ARSG: variants seen among roughly 807,000 people sequenced by gnomAD.
ARSG encodes arylsulfatase G.
In ARSG, 37 loss-of-function variants were observed where a neutral mutation model predicts 50.5. That is an observed-to-expected ratio of 0.73 (90% CI 0.56 to 0.96). The LOEUF (loss-of-function observed/expected upper bound fraction) is 0.96. ARSG is among the 50% of genes least tolerant of loss of function. ARSG has a pLI of 0.00. For synonymous variants in ARSG, 225 were observed against 254.6 expected, an observed-to-expected ratio of 0.88 and a Z score of 1.11; for missense variants, 629 against 675.3, an observed-to-expected ratio of 0.93 and a Z score of 0.76.
chr17:68,395,865 G>A (rs1305849029), intron 10 of ARSG, among the ~76,000 whole-genome samples: 1 of 152,102 alleles, frequency 6.6e-6, no homozygotes, highest in Non-Finnish European at 1.5e-5. Flanking sequence ...CAGCATTTCA[G>A]TCCATGCAAA....
chr17:68,401,525 C>A, intron 11 of ARSG, 75 bp downstream of exon 11: 1 of 1,368,678 alleles, frequency 7.3e-7, no homozygotes, highest in Non-Finnish European at 1.0e-6. Context: ...TCACCCAGGC[C>A]TCTGGGAATG....
intron 1 of ARSG, among the ~76,000 whole-genome samples, chr17:68,286,023 T>C (rs1555754250): frequency 2.0e-5 from 3 of 152,158 alleles, no homozygotes; most frequent in Admixed American, 6.5e-5. Flanking sequence ...CCTCCCAAAG[T>C]GCTGGGATTA....
intron 11 of ARSG, among the ~76,000 whole-genome samples, chr17:68,415,500 GT>G (rs1357154618): frequency 1.5e-4 from 23 of 152,182 alleles, no homozygotes; most frequent in Admixed American, 8.5e-4. Context: ...TTCTGCAGTT[GT>G]TGGTTGGAAT....
At chr17:68,419,103 A>G (rs2082585184) in intron 11 of ARSG, among the ~76,000 whole-genome samples, 1 of 151,542 alleles carries the variant, frequency 6.6e-6, no homozygotes, top group Non-Finnish European at 1.5e-5. Context: ...CCTCTTCTGG[A>G]TGGCTTTCAC....
In ARSG at chr17:68,370,333, CCTT is replaced by C. The variant is rs2079769577; in HGVS notation, c.902-110_902-108del. The C allele has an allele frequency of 5.5e-6, 5 of 904,838 alleles. No homozygotes were observed. The East Asian group carries it at 1.3e-4, about 24-fold the overall frequency. 56.1% of individuals were successfully genotyped at this position (904,838 alleles called of 1,614,324 possible). ...TAGGCCCATGTTTGTCTTTATAAGT[CCTT>C]TTTCTATCTAGTTCCTGCTCTGCGC... On this transcript the variant is annotated intron_variant, in intron 7 of 11. Transcript: ENST00000621439.
intron 1 of ARSG, among the ~76,000 whole-genome samples, chr17:68,266,500 CA>C (rs544482452): frequency 0.026 from 2,538 of 96,814 alleles, 93 homozygotes; most frequent in African/African-American, 0.087. Context: ...AAAAAGTATA[CA>C]AAAAAAAAAA....
chr17:68,272,969 G>A (rs1330216271), intron 1 of ARSG, among the ~76,000 whole-genome samples: 2 of 151,882 alleles, frequency 1.3e-5, no homozygotes, highest in Non-Finnish European at 2.9e-5. Context: ...GGTTGTTTGG[G>A]ATACTAAAAA....
the ARSG span, among the ~76,000 whole-genome samples, chr17:68,431,686 C>T: frequency 5.4e-4 from 6 of 11,054 alleles, no homozygotes; most frequent in African/African-American, 1.5e-3. Context: ...GCTAAAGACA[C>T]GTTCAAGGGC....
chr17:68,347,312 G>C (rs542519817), intron 4 of ARSG, 140 bp downstream of exon 4: 1 of 976,370 alleles, frequency 1.0e-6, no homozygotes, highest in East Asian at 2.6e-5. Context: ...TCATTTGAGT[G>C]CATTTGGGGT....
chr17:68,377,424 T>G (rs140548018), intron 8 of ARSG, among the ~76,000 whole-genome samples: 143 of 152,320 alleles, frequency 9.4e-4, no homozygotes, highest in Non-Finnish European at 8.1e-4. Flanking sequence ...ACAGTCTGAA[T>G]CTTTCTACAT....
downstream of ARSG, chr17:68,425,971 A>G: frequency 4.7e-6 from 4 of 847,950 alleles, no homozygotes; most frequent in Non-Finnish European, 7.7e-6. Flanking sequence ...ATTAGTTGTT[A>G]TAGATTAGAA....
At chr17:68,317,040 T>C (rs1445133273) in intron 2 of ARSG, among the ~76,000 whole-genome samples, 51 of 152,092 alleles carry the variant, frequency 3.4e-4, no homozygotes, top group Non-Finnish European at 1.8e-4. Context: ...CACGATTCGT[T>C]TTTTGTTTGT....
At chr17:68,269,514 A>G (rs1372585280) in intron 1 of ARSG, among the ~76,000 whole-genome samples, 4 of 143,428 alleles carry the variant, frequency 2.8e-5, no homozygotes, top group Admixed American at 7.2e-5. Flanking sequence ...TAGACTGGAG[A>G]GGAGAAAGAG....
At chr17:68,413,339 A>G (rs2082131814) in intron 11 of ARSG, among the ~76,000 whole-genome samples, 2 of 152,294 alleles carry the variant, frequency 1.3e-5, no homozygotes, top group South Asian at 2.1e-4. Context: ...TCCTTGTAAC[A>G]GACAGGACCC....
At chr17:68,422,435 A>C (rs2040512324), downstream of ARSG, 2 of 125,904 alleles carry the variant, frequency 1.6e-5, no homozygotes, top group Admixed American at 1.6e-4. Context: ...TCTCAAAAAA[A>C]AAAAAGTCAG....
chr17:68,292,193 G>C lies in ARSG; in HGVS notation c.-552+625G>C, dbSNP rs371830198. On this transcript the variant is annotated intron_variant, in intron 1 of 11. Transcript: ENST00000621439. The stretch of plus-strand genomic sequence containing the variant: ...CATCCGCGTTGCGCGAAAGGAATGT[G>C]AGCAGCCGGGCTGAGTCAGCATCCC... Among the ~76,000 whole-genome samples the C allele has an allele frequency of 3.3e-5, 5 of 152,174 alleles. No individual in the cohort carries two copies. The East Asian group carries it at 9.7e-4, about 30-fold the overall frequency.
At chr17:68,345,165 A>G (rs1297676875) in intron 3 of ARSG, among the ~76,000 whole-genome samples, 1 of 152,214 alleles carries the variant, frequency 6.6e-6, no homozygotes. Flanking sequence ...GGCCAGTTAC[A>G]TGCGTCCATG....
chr17:68,341,098 G>C (rs58138699), intron 2 of ARSG, among the ~76,000 whole-genome samples: 3,555 of 152,140 alleles, frequency 0.023, 121 homozygotes, highest in African/African-American at 0.082. Context: ...TGAAGTTTAA[G>C]CTTTTTTTGT....
intron 1 of ARSG, among the ~76,000 whole-genome samples, chr17:68,281,948 C>T (rs2075708690): frequency 6.6e-6 from 1 of 152,170 alleles, no homozygotes; most frequent in Non-Finnish European, 1.5e-5. Context: ...TGTGGCAATT[C>T]CTCAAGGATC....
Sources: gnomAD v4.1 joint callset for allele counts (sites outside exome capture counted in the v4.1 genomes callset) on GRCh38, gnomAD v4.1.1 for gene constraint, MANE v1.5 for transcripts, NCBI Gene and HGNC (gene_info 2026-07-23, HGNC 2026-07-21) for gene names.